Variants in RANBP2 observed in about 807,000 individuals in gnomAD.
RANBP2 encodes E3 SUMO-protein ligase RanBP2.
Under a neutral mutation model 303.6 loss-of-function variants are expected in RANBP2, and 57 were observed. The ratio of observed to expected loss-of-function variants is 0.19; its 90% CI spans 0.15 to 0.23. The LOEUF (loss-of-function observed/expected upper bound fraction) is 0.23, where lower values mean the gene tolerates loss of function less well. Among genes scored for constraint, RANBP2 ranks in the 10% least tolerant of loss-of-function variants. The pLI, the probability that RANBP2 is intolerant of heterozygous loss-of-function variation, is 1.00. For missense variants in RANBP2, 3,138 were observed against 3,780.8 expected, an observed-to-expected ratio of 0.83 and a Z score of 4.46; for synonymous variants, 1,167 against 1,301.5, an observed-to-expected ratio of 0.90 and a Z score of 2.23.
rs1442891085 is a variant in RANBP2 at position 108,784,633 on chromosome 2, T to TA, written c.*733dup. The TA allele has an allele frequency of 3.9e-5, 6 of 152,686 alleles. No individual in the cohort carries two copies. Among genetic ancestry groups the TA allele is most frequent in the African/African-American group, 1.4e-4 (6 of 41,470 alleles). 9.5% of individuals were successfully genotyped at this position (152,686 alleles called of 1,614,324 possible). A position where few individuals can be genotyped will look rare whatever the true frequency, so the allele number is the denominator to read the frequency against. ...AGAAACTGCAGCTTGGTTCTGATGA[T>TA]AGAAATTGAATTTTTCCTTGTAGTT... On this transcript the variant is annotated 3_prime_UTR_variant, in exon 29 of 29. Coordinates refer to ENST00000283195, the MANE Select transcript of RANBP2 (RefSeq NM_006267.5).
At chr2:108,863,594 A>G in the RANBP2 span, among the ~76,000 whole-genome samples, 5,411 of 152,218 alleles carry the variant, frequency 0.036, 156 homozygotes, top group Non-Finnish European at 0.051. Context: ...TTTTCTTTCT[A>G]TTCTGGTTTG....
At chr2:109,511,880 G>T in the RANBP2 span, among the ~76,000 whole-genome samples, 4 of 152,198 alleles carry the variant, frequency 2.6e-5, no homozygotes, top group Admixed American at 6.5e-5. Flanking sequence ...AGGCCGAGGT[G>T]GGGGTGGCCC....
chr2:108,866,881 A>G, the RANBP2 span, among the ~76,000 whole-genome samples: 2 of 139,242 alleles, frequency 1.4e-5, no homozygotes, highest in East Asian at 2.0e-4. Flanking sequence ...AGACTGTCTG[A>G]AAAAAAAAAA....
At chr2:109,156,488 C>G in the RANBP2 span, among the ~76,000 whole-genome samples, 3 of 151,804 alleles carry the variant, frequency 2.0e-5, no homozygotes, top group Non-Finnish European at 4.4e-5. Context: ...TCTTGTTGTC[C>G]AGGCTGGAGT....
chr2:109,036,575 A>G, the RANBP2 span, among the ~76,000 whole-genome samples: 2 of 152,242 alleles, frequency 1.3e-5, no homozygotes, highest in African/African-American at 4.8e-5. Flanking sequence ...TTAACCAGGT[A>G]AAGAATAAAA....
the RANBP2 span, among the ~76,000 whole-genome samples, chr2:109,367,215 C>T: frequency 2.7e-5 from 4 of 150,768 alleles, no homozygotes; most frequent in Non-Finnish European, 2.9e-5. Flanking sequence ...CTGCCTACTT[C>T]GGCCTACCAA....
chr2:108,997,660 G>T, the RANBP2 span, among the ~76,000 whole-genome samples: 2 of 152,130 alleles, frequency 1.3e-5, no homozygotes, highest in East Asian at 3.9e-4. Context: ...GAGAGGCCGA[G>T]GTGGGTGGAT....
At chr2:109,463,717 A>C in the RANBP2 span, among the ~76,000 whole-genome samples, 1 of 152,198 alleles carries the variant, frequency 6.6e-6, no homozygotes, top group African/African-American at 2.4e-5. Flanking sequence ...CAAAGTTTTT[A>C]ACACCTTGGA....
the RANBP2 span, among the ~76,000 whole-genome samples, chr2:109,000,371 T>A: frequency 6.6e-6 from 1 of 151,632 alleles, no homozygotes; most frequent in African/African-American, 2.4e-5. Context: ...TACAAAAAAT[T>A]TAAAAATTAG....
At chr2:109,721,241 C>G in the RANBP2 span, among the ~76,000 whole-genome samples, 3 of 152,224 alleles carry the variant, frequency 2.0e-5, no homozygotes, top group Non-Finnish European at 4.4e-5. Context: ...CACGCTGCGG[C>G]TTTCTTCCTT....
chr2:109,015,047 A>AAGTC, the RANBP2 span, among the ~76,000 whole-genome samples: 1 of 137,596 alleles, frequency 7.3e-6, no homozygotes, highest in African/African-American at 2.6e-5. Flanking sequence ...TTGAGCTAGG[A>AAGTC]AGTCAGAAGT....
the RANBP2 span, among the ~76,000 whole-genome samples, chr2:109,564,881 A>C: frequency 6.6e-6 from 1 of 152,246 alleles, no homozygotes; most frequent in Non-Finnish European, 1.5e-5. Context: ...TCCTGAAGAC[A>C]TTTCACATAA....
chr2:109,334,928 G>A, the RANBP2 span, among the ~76,000 whole-genome samples: 1 of 152,212 alleles, frequency 6.6e-6, no homozygotes, highest in Non-Finnish European at 1.5e-5. Flanking sequence ...TGGCCTTCCT[G>A]GAAAGGTTCT....
At chr2:109,392,665 C>T in the RANBP2 span, among the ~76,000 whole-genome samples, 1 of 152,050 alleles carries the variant, frequency 6.6e-6, no homozygotes, top group Non-Finnish European at 1.5e-5. Flanking sequence ...ACTACAGGCG[C>T]CTGCCACCAC....
the RANBP2 span, among the ~76,000 whole-genome samples, chr2:109,084,109 C>T: frequency 6.6e-6 from 1 of 152,172 alleles, no homozygotes; most frequent in Non-Finnish European, 1.5e-5. Flanking sequence ...GCTTCGCCTC[C>T]CCCAAGTAGC....
At chr2:109,544,225 A>G in the RANBP2 span, 6 of 1,611,228 alleles carry the variant, frequency 3.7e-6, no homozygotes, top group African/African-American at 6.7e-5. Flanking sequence ...AAAACAAATA[A>G]CAGCAAAATC....
the RANBP2 span, among the ~76,000 whole-genome samples, chr2:108,937,759 A>G: frequency 6.6e-6 from 1 of 151,934 alleles, no homozygotes; most frequent in Non-Finnish European, 1.5e-5. Context: ...ATATGAATGT[A>G]TGTGTGTGAA....
At chr2:109,471,530 G>T in the RANBP2 span, among the ~76,000 whole-genome samples, 1 of 152,170 alleles carries the variant, frequency 6.6e-6, no homozygotes, top group South Asian at 2.1e-4. Context: ...TACAATTCTA[G>T]ATGAGATTTG....
the RANBP2 span, among the ~76,000 whole-genome samples, chr2:109,217,875 CTG>C: frequency 6.6e-6 from 1 of 152,172 alleles, no homozygotes; most frequent in Non-Finnish European, 1.5e-5. Context: ...CAGGGGATCT[CTG>C]TTGTGGCCTG....
Sources: allele counts gnomAD v4.1 joint callset (sites outside exome capture counted in the v4.1 genomes callset), GRCh38; gene constraint gnomAD v4.1.1; transcripts MANE v1.5; gene names NCBI Gene and HGNC (gene_info 2026-07-23, HGNC 2026-07-21).